TAOK3: variants seen among roughly 807,000 people sequenced by gnomAD.
TAOK3 encodes the protein TAO kinase 3, also known as serine/threonine-protein kinase TAO3.
Under a neutral mutation model 120.4 loss-of-function variants are expected in TAOK3, and 40 were observed. The observed-to-expected ratio is 0.33, with a 90% CI of 0.26 to 0.43. The LOEUF is 0.43. Ranked by LOEUF, TAOK3 falls within the 20% of genes least tolerant of loss-of-function variation. The pLI is 1.00. For missense variants in TAOK3, 821 were observed against 1,112.1 expected, an observed-to-expected ratio of 0.74 and a Z score of 3.72; for synonymous variants, 355 against 387.5, an observed-to-expected ratio of 0.92 and a Z score of 0.99.
intron 1 of TAOK3, among the ~76,000 whole-genome samples, chr12:118,306,055 T>C (rs1212664469): frequency 1.3e-5 from 2 of 152,130 alleles, no homozygotes; most frequent in African/African-American, 4.8e-5. Context: ...TAATAAAGAA[T>C]GTAGAAAGGA....
chr12:118,318,153 T>TA (rs2043548530), intron 1 of TAOK3, among the ~76,000 whole-genome samples: 1 of 149,810 alleles, frequency 6.7e-6, no homozygotes, highest in South Asian at 2.1e-4. Flanking sequence ...TATAAAGCTA[T>TA]AAAACTTTTT....
At chr12:118,167,856 G>GAACT (rs1449511813) in intron 17 of TAOK3, among the ~76,000 whole-genome samples, 4 of 152,156 alleles carry the variant, frequency 2.6e-5, no homozygotes, top group African/African-American at 9.7e-5. Context: ...AGTGCCTGGA[G>GAACT]AACTGCACAT....
chr12:118,194,669 A>G (rs948411895), intron 13 of TAOK3, among the ~76,000 whole-genome samples: 1 of 134,992 alleles, frequency 7.4e-6, no homozygotes, highest in Non-Finnish European at 1.6e-5. Flanking sequence ...TTCTTTTTTT[A>G]AAGAGGGGAT....
At chr12:118,222,368 A>T (rs1021758133) in intron 9 of TAOK3, among the ~76,000 whole-genome samples, 3 of 152,088 alleles carry the variant, frequency 2.0e-5, no homozygotes, top group African/African-American at 4.8e-5. Context: ...CCCCGTCTCT[A>T]CTAAAAATAC....
chr12:118,250,211 T>G (rs2040689081), intron 3 of TAOK3, among the ~76,000 whole-genome samples: 1 of 152,136 alleles, frequency 6.6e-6, no homozygotes, highest in African/African-American at 2.4e-5. Flanking sequence ...TTCTCCCACC[T>G]CGGCCTCCCA....
intron 1 of TAOK3, among the ~76,000 whole-genome samples, chr12:118,275,765 A>G (rs575645288): frequency 6.6e-6 from 1 of 152,328 alleles, no homozygotes; most frequent in African/African-American, 2.4e-5. Flanking sequence ...ATAAATATTT[A>G]TACATGAAGT....
chr12:118,302,655 ATCT>A (rs2042921059), intron 1 of TAOK3, among the ~76,000 whole-genome samples: 1 of 152,214 alleles, frequency 6.6e-6, no homozygotes, highest in Non-Finnish European at 1.5e-5. Context: ...GTTTAAAAAA[ATCT>A]TCTGCACATA....
intron 1 of TAOK3, among the ~76,000 whole-genome samples, chr12:118,333,454 A>G (rs2044233791): frequency 6.6e-6 from 1 of 152,198 alleles, no homozygotes; most frequent in Non-Finnish European, 1.5e-5. Flanking sequence ...AAAATACAGC[A>G]TATCAAAATT....
At position 118,371,755 on chromosome 12, in the gene TAOK3, G is replaced by A. The variant is rs1366076556; in HGVS notation, c.-194+893C>T. On this transcript the variant is annotated intron_variant, in intron 1 of 20. Transcript: ENST00000392533. This position sits in a 1 kb window ranked among gnomAD's most constrained non-coding sequence, Gnocchi z 5.5. ...CCCTCGCTGCTCACGCCGGGCCCCC[G>A]CTATGTGACTGGGGGCCCGACCCGC... Among the ~76,000 whole-genome samples the A allele has an allele frequency of 6.6e-6, 1 of 152,010 alleles. No individual in the cohort carries two copies. Among genetic ancestry groups the A allele is most frequent in the South Asian group, 2.1e-4 (1 of 4,820 alleles).
chr12:118,288,862 G>C (rs2042359135), intron 1 of TAOK3, among the ~76,000 whole-genome samples: 1 of 141,892 alleles, frequency 7.0e-6, no homozygotes, highest in South Asian at 2.2e-4. Context: ...GTTGCAGTGA[G>C]CCGAGATTAC....
intron 1 of TAOK3, among the ~76,000 whole-genome samples, chr12:118,306,395 G>A (rs947527893): frequency 5.3e-5 from 8 of 151,948 alleles, no homozygotes; most frequent in African/African-American, 1.9e-4. Flanking sequence ...CCAGGCTAGT[G>A]TCGAACTCCT....
At position 118,152,215 on chromosome 12, in the gene TAOK3, A is replaced by T; in HGVS notation, c.2535+12T>A. ...ACCCAGTGGCACCGGACCCCTGGTA[A>T]TGCTCCCTTACCTTCTGCTCAAGGT... On this transcript the variant is annotated intron_variant, in intron 20 of 20. Coordinates refer to ENST00000392533, the MANE Select transcript of TAOK3 (RefSeq NM_016281.4). 3 of 1,605,668 alleles carry T rather than the reference A, an allele frequency of 1.9e-6. No individual in the cohort carries two copies. The highest frequency in any genetic ancestry group is 2.6e-6 in the Non-Finnish European group (3 of 1,173,132).
chr12:118,210,206 T>C (rs2038550899), intron 11 of TAOK3, among the ~76,000 whole-genome samples: 1 of 152,120 alleles, frequency 6.6e-6, no homozygotes, highest in Admixed American at 6.6e-5. Context: ...CCTCCCTCTT[T>C]TTCTTCTTTT....
At chr12:118,164,832 C>T (rs187621789) in intron 17 of TAOK3, among the ~76,000 whole-genome samples, 1 of 152,292 alleles carries the variant, frequency 6.6e-6, no homozygotes, top group East Asian at 1.9e-4. Context: ...CATTTTTATA[C>T]TGGCGTGGTT....
chr12:118,312,567 A>C lies in TAOK3; in HGVS notation c.-193-45808T>G, dbSNP rs147878309. Reference sequence around the variant, plus strand: ...AGGCTTATTACTAATATCTAATTCAATAAGCATCACAACCTACAAATGTTT... The same window carrying C: ...AGGCTTATTACTAATATCTAATTCACTAAGCATCACAACCTACAAATGTTT... On this transcript the variant is annotated intron_variant, in intron 1 of 20. Coordinates refer to ENST00000392533, the MANE Select transcript of TAOK3 (RefSeq NM_016281.4). Among the ~76,000 whole-genome samples, 611 of 152,334 alleles carry C rather than the reference A, an allele frequency of 4.0e-3. 2 individuals carry two copies. The highest frequency in any genetic ancestry group is 5.4e-3 in the Non-Finnish European group (364 of 68,028).
At chr12:118,279,776 T>C (rs1195617374) in intron 1 of TAOK3, among the ~76,000 whole-genome samples, 1 of 150,722 alleles carries the variant, frequency 6.6e-6, no homozygotes, top group African/African-American at 2.4e-5. Context: ...TTGTTTTTTT[T>C]TTTTTTGAGA....
chr12:118,219,770 C>CTTTTTTT (rs35568926), intron 9 of TAOK3, among the ~76,000 whole-genome samples: 6 of 58,852 alleles, frequency 1.0e-4, no homozygotes, highest in African/African-American at 4.2e-4. Flanking sequence ...ACTTTTTTGG[C>CTTTTTTT]TTTTTTTTTT....
chr12:118,308,931 C>CAAA (rs60574584), intron 1 of TAOK3, among the ~76,000 whole-genome samples: 6 of 30,076 alleles, frequency 2.0e-4, no homozygotes, highest in Admixed American at 9.9e-4. Context: ...ACTCTGTCTC[C>CAAA]AAAAAAAAAA....
chr12:118,255,593 T>A lies in TAOK3; in HGVS notation c.-26A>T. The A allele has an allele frequency of 3.2e-6, 5 of 1,581,532 alleles. No individual in the cohort carries two copies. Among genetic ancestry groups the A allele is most frequent in the Non-Finnish European group, 4.3e-6 (5 of 1,165,550 alleles). ...GATGGCCAGTAGAGCAGGCTCTGCT[T>A]TTTGATATCAGTTAGCTTTATTTCT... On this transcript the variant is annotated 5_prime_UTR_variant, in exon 3 of 21. Transcript: ENST00000392533.
Sources: gnomAD v4.1 joint callset for allele counts (sites outside exome capture counted in the v4.1 genomes callset) on GRCh38, gnomAD v4.1.1 for gene constraint, Gnocchi (gnomAD v3.1) non-coding constraint, MANE v1.5 for transcripts, NCBI Gene and HGNC (gene_info 2026-07-23, HGNC 2026-07-21) for gene names.